Variants in NXPH1 observed in about 807,000 individuals in gnomAD.
The protein encoded by NXPH1 is neurexophilin-1.
A neutral mutation model predicts 23.7 loss-of-function variants in NXPH1; 5 were observed. The observed-to-expected ratio is 0.21, with a 90% CI of 0.11 to 0.44. NXPH1 has a LOEUF of 0.44. Ranked by LOEUF, NXPH1 falls within the 20% of genes least tolerant of loss-of-function variation. NXPH1 has a pLI of 0.99. For synonymous variants in NXPH1, 144 were observed against 122.2 expected, an observed-to-expected ratio of 1.18 and a Z score of -1.18; for missense variants, 324 against 321.6, an observed-to-expected ratio of 1.01 and a Z score of -0.06.
intron 2 of NXPH1, among the ~76,000 whole-genome samples, chr7:8,494,987 T>C (rs145398426): frequency 6.6e-6 from 1 of 152,060 alleles, no homozygotes; most frequent in Non-Finnish European, 1.5e-5. Context: ...GGGGATAATA[T>C]AGATTTTTGT....
chr7:8,455,068 G>A (rs541313177), intron 2 of NXPH1, among the ~76,000 whole-genome samples: 2 of 152,158 alleles, frequency 1.3e-5, no homozygotes, highest in South Asian at 4.1e-4. Context: ...GTGGACCAGA[G>A]GGCTACATGT....
intron 2 of NXPH1, among the ~76,000 whole-genome samples, chr7:8,500,276 C>A (rs1234268835): frequency 1.3e-5 from 2 of 151,966 alleles, no homozygotes; most frequent in African/African-American, 4.8e-5. Context: ...GTCTAGTAGT[C>A]CCTCAGGTAA....
chr7:8,730,148 G>C (rs1044619931), intron 2 of NXPH1, among the ~76,000 whole-genome samples: 1 of 149,246 alleles, frequency 6.7e-6, no homozygotes, highest in African/African-American at 2.5e-5. Context: ...TTTTATCAGA[G>C]ACTAGGATTG....
intron 2 of NXPH1, among the ~76,000 whole-genome samples, chr7:8,596,032 A>C (rs775162052): frequency 4.5e-4 from 68 of 152,146 alleles, no homozygotes; most frequent in Non-Finnish European, 4.7e-4. Flanking sequence ...TGATATGTCT[A>C]TGATGTACAT....
At chr7:8,469,073 G>A (rs977385265) in intron 2 of NXPH1, among the ~76,000 whole-genome samples, 8 of 151,846 alleles carry the variant, frequency 5.3e-5, no homozygotes, top group African/African-American at 1.4e-4. Context: ...GTAGATTTAA[G>A]TATCTTTAAG....
chr7:8,438,319 C>G (rs546657547), intron 2 of NXPH1, among the ~76,000 whole-genome samples: 90 of 152,338 alleles, frequency 5.9e-4, no homozygotes, highest in African/African-American at 2.1e-3. Flanking sequence ...AAGATCTTAT[C>G]CCTTTGTAAG....
intron 2 of NXPH1, among the ~76,000 whole-genome samples, chr7:8,733,221 T>C (rs1361373751): frequency 6.6e-6 from 1 of 152,254 alleles, no homozygotes; most frequent in Non-Finnish European, 1.5e-5. Context: ...TCCTTTTTTA[T>C]AGCTGCATAG....
intron 2 of NXPH1, among the ~76,000 whole-genome samples, chr7:8,585,623 G>A (rs564703050): frequency 6.6e-6 from 1 of 152,204 alleles, no homozygotes; most frequent in East Asian, 1.9e-4. Context: ...TTGCATCCTT[G>A]CACTCAATCT....
chr7:8,575,686 T>G (rs1343575164), intron 2 of NXPH1, among the ~76,000 whole-genome samples: 1 of 152,110 alleles, frequency 6.6e-6, no homozygotes, highest in Non-Finnish European at 1.5e-5. Flanking sequence ...CTATAATGTT[T>G]CCTGTTTTTC....
intron 2 of NXPH1, among the ~76,000 whole-genome samples, chr7:8,677,198 A>T (rs1200295516): frequency 6.6e-6 from 1 of 152,202 alleles, no homozygotes; most frequent in Non-Finnish European, 1.5e-5. Context: ...TTTTTGAAGA[A>T]ATTCCCCATG....
chr7:8,618,347 A>C lies in NXPH1; in HGVS notation c.55-132661A>C, dbSNP rs1225629593. The stretch of plus-strand genomic sequence containing the variant: ...TCATACAGCTGACATCTGTGGCACT[A>C]ATTCTCAGAGCTGGCTTCATCAAAA... On this transcript the variant is annotated intron_variant, in intron 2 of 2. Coordinates refer to ENST00000405863, the MANE Select transcript of NXPH1 (RefSeq NM_152745.3). 1.3e-5 allele frequency among the ~76,000 whole-genome samples: 2 copies of C among 152,146 alleles called. 1 individual carries two copies. The highest frequency in any genetic ancestry group is 3.9e-4 in the East Asian group (2 of 5,194).
chr7:8,597,719 G>C (rs1489479097), intron 2 of NXPH1, among the ~76,000 whole-genome samples: 1 of 121,046 alleles, frequency 8.3e-6, no homozygotes, highest in East Asian at 2.9e-4. Flanking sequence ...GGGGGCGGGG[G>C]GGCAGTGTGG....
intron 2 of NXPH1, among the ~76,000 whole-genome samples, chr7:8,474,621 A>G (rs1816937217): frequency 6.6e-6 from 1 of 152,158 alleles, no homozygotes. Flanking sequence ...TTTATAGTTG[A>G]TCATTATATT....
At chr7:8,624,079 G>C (rs773354197) in intron 2 of NXPH1, among the ~76,000 whole-genome samples, 1 of 152,154 alleles carries the variant, frequency 6.6e-6, no homozygotes, top group African/African-American at 2.4e-5. Flanking sequence ...AGGACTTGGA[G>C]CCTAAAGGAG....
chr7:8,626,298 A>G (rs1160016164), intron 2 of NXPH1, among the ~76,000 whole-genome samples: 1 of 152,018 alleles, frequency 6.6e-6, no homozygotes, highest in East Asian at 1.9e-4. Flanking sequence ...TTTGGGCCTT[A>G]GTCTATTCCA....
intron 2 of NXPH1, among the ~76,000 whole-genome samples, chr7:8,740,432 T>C (rs929924046): frequency 2.0e-4 from 31 of 152,314 alleles, no homozygotes; most frequent in African/African-American, 7.5e-4. Flanking sequence ...AAAAACCCAA[T>C]GAGTTAGGTA....
At chr7:8,437,216 G>A (rs981603101) in intron 2 of NXPH1, among the ~76,000 whole-genome samples, 12 of 152,172 alleles carry the variant, frequency 7.9e-5, no homozygotes, top group Admixed American at 7.9e-4. Flanking sequence ...CTGGAACGCA[G>A]GCGGAATGCA....
intron 2 of NXPH1, among the ~76,000 whole-genome samples, chr7:8,590,922 T>C (rs1001029365): frequency 6.6e-6 from 1 of 152,080 alleles, no homozygotes; most frequent in African/African-American, 2.4e-5. Flanking sequence ...TTAAAAAAAT[T>C]ACATCGGCTT....
chr7:8,534,374 T>C (rs1171903784), intron 2 of NXPH1, among the ~76,000 whole-genome samples: 1 of 152,148 alleles, frequency 6.6e-6, no homozygotes, highest in African/African-American at 2.4e-5. Context: ...GTGGAATCTA[T>C]TTACTACTAG....
Sources: allele counts gnomAD v4.1 joint callset (sites outside exome capture counted in the v4.1 genomes callset), GRCh38; gene constraint gnomAD v4.1.1; transcripts MANE v1.5; gene names NCBI Gene and HGNC (gene_info 2026-07-23, HGNC 2026-07-21).